The following SENP5 variants were observed in gnomAD, a reference collection of about 807,000 sequenced individuals.
SENP5 encodes the protein sentrin-specific protease 5.
In SENP5, 21 loss-of-function variants were observed where a neutral mutation model predicts 74.2. That is an observed-to-expected ratio of 0.28 (90% confidence interval 0.20 to 0.41). The LOEUF (loss-of-function observed/expected upper bound fraction) is 0.41. Ranked by LOEUF, SENP5 falls within the 10% of genes least tolerant of loss-of-function variation. The pLI is 1.00. For synonymous variants in SENP5, 311 were observed against 312.7 expected, an observed-to-expected ratio of 0.99 and a Z score of 0.06; for missense variants, 717 against 889.1, an observed-to-expected ratio of 0.81 and a Z score of 2.46.
intron 2 of SENP5, among the ~76,000 whole-genome samples, chr3:196,890,629 C>T (rs1390224581): frequency 6.6e-6 from 1 of 152,194 alleles, no homozygotes; most frequent in East Asian, 1.9e-4. Context: ...GTCTAGGACT[C>T]TGCACTGAGA....
At chr3:196,894,137 T>C (rs1448133796) in intron 2 of SENP5, among the ~76,000 whole-genome samples, 21 of 105,078 alleles carry the variant, frequency 2.0e-4, no homozygotes, top group East Asian at 1.9e-3. Context: ...TTTTTTTTTT[T>C]CTGGAGACAG....
At chr3:196,885,095 A>T in intron 1 of SENP5, 56 bp from the exon 2 acceptor site, 1 of 1,022,846 alleles carries the variant, frequency 9.8e-7, no homozygotes. Flanking sequence ...TACTGTGAAT[A>T]TGTCTTCATG....
chr3:196,931,211 T>A lies in SENP5; in HGVS notation c.*288T>A. The A allele has an allele frequency of 8.1e-6, 2 of 248,428 alleles. No individual in the cohort carries two copies. Among genetic ancestry groups the A allele is most frequent in the Non-Finnish European group, 7.7e-6 (1 of 129,188 alleles). The allele number at this position is 248,428 out of a possible 1,614,324, so 15.4% of individuals were successfully genotyped here. On this transcript the variant is annotated 3_prime_UTR_variant, in exon 10 of 10. Transcript: ENST00000323460. ...TAGACAGAGCATGCAGTGAAGAGTA[T>A]TAAAAAAAAAAGCTTAGTAGATTTG... is the stretch of plus-strand genomic sequence containing the variant.
At position 196,929,687 on chromosome 3, in the gene SENP5, A is replaced by G. The variant is rs371031404; in HGVS notation, c.2157+4A>G. 1.2e-5 allele frequency: 20 copies of G among 1,604,248 alleles called. No individual in the cohort carries two copies. The African/African-American group carries it at 1.5e-4, about 12-fold the overall frequency. On this transcript the variant is annotated splice_donor_region_variant and intron_variant, in intron 9 of 9. Coordinates refer to ENST00000323460, the MANE Select transcript of SENP5 (RefSeq NM_152699.5). ...CTGTGGAGTCTTTGTGCTCCAGGTA[A>G]AGAAACACTTGCTTTTCGGAACTTA...
At chr3:196,922,741 CCTACCAAGTAACTGCG>C (rs1453109115) in intron 6 of SENP5, among the ~76,000 whole-genome samples, 16 of 152,302 alleles carry the variant, frequency 1.1e-4, no homozygotes, top group Non-Finnish European at 2.2e-4. Flanking sequence ...TGAACCTCAG[CCTACCAAGTAACTGCG>C]ACTACCAGTG....
At chr3:196,882,295 C>T (rs146914681) in intron 1 of SENP5, among the ~76,000 whole-genome samples, 492 of 152,128 alleles carry the variant, frequency 3.2e-3, no homozygotes, top group African/African-American at 0.011. Context: ...AAAGTACATT[C>T]GCATTGCTGT....
chr3:196,899,301 G>C (rs182150155), intron 2 of SENP5, among the ~76,000 whole-genome samples: 2 of 152,250 alleles, frequency 1.3e-5, no homozygotes, highest in Admixed American at 6.5e-5. Context: ...CAAAAGGATA[G>C]GCACATTTGA....
chr3:196,888,827 ATTC>A (rs892011377), intron 2 of SENP5, among the ~76,000 whole-genome samples: 1 of 151,824 alleles, frequency 6.6e-6, no homozygotes, highest in African/African-American at 2.4e-5. Context: ...AGTATAATAA[ATTC>A]TTCTGGCTGG....
rs1337307033 is a variant in SENP5 at position 196,929,644 on chromosome 3, A to G, written c.2118A>G (p.Gln706=). The G allele has an allele frequency of 6.2e-7, 1 of 1,605,350 alleles. No individual in the cohort carries two copies. Among genetic ancestry groups the G allele is most frequent in the Non-Finnish European group, 8.5e-7 (1 of 1,173,240 alleles). ...GTTTTTCCCTTCAGTGTATTCCACA[A>G]CAGAAAAACGACAGTGACTGTGGAG... ...WQTAVTKCIP[Q]QKNDSDCGVF... is the part of the protein sequence containing the mutation. The change falls in exon 9 of 10, where the codon CAA becomes CAG. Residue 706 remains glutamine (Q), a synonymous_variant. Transcript: ENST00000323460.
chr3:196,928,911 C>T (rs934539720), intron 8 of SENP5, among the ~76,000 whole-genome samples: 9 of 152,122 alleles, frequency 5.9e-5, no homozygotes, highest in Non-Finnish European at 1.0e-4. Flanking sequence ...TACTGTTGGC[C>T]GGGCACAGTG....
chr3:196,907,893 TA>T (rs35164215), intron 6 of SENP5, among the ~76,000 whole-genome samples: 33 of 144,340 alleles, frequency 2.3e-4, no homozygotes, highest in South Asian at 8.7e-4. Context: ...TTGGGTTAAG[TA>T]AAAAAAAAAA....
intron 7 of SENP5, among the ~76,000 whole-genome samples, chr3:196,925,207 G>A (rs1715768315): frequency 6.7e-6 from 1 of 150,256 alleles, no homozygotes; most frequent in South Asian, 2.1e-4. Flanking sequence ...TGTATTATTT[G>A]TTTAATTAAC....
At chr3:196,910,015 C>A (rs1014944177) in intron 6 of SENP5, among the ~76,000 whole-genome samples, 2 of 152,112 alleles carry the variant, frequency 1.3e-5, no homozygotes, top group African/African-American at 4.8e-5. Flanking sequence ...CGTCTCAGCC[C>A]CAAAACCCCT....
At chr3:196,927,304 C>G (rs924873905) in intron 7 of SENP5, among the ~76,000 whole-genome samples, 12 of 152,238 alleles carry the variant, frequency 7.9e-5, no homozygotes, top group African/African-American at 2.9e-4. Context: ...TTTTGACTTG[C>G]CAGTATGTAA....
chr3:196,914,586 A>AAAAAAAAAAAAAAAAATATATATATAT, intron 6 of SENP5: 1 of 33,510 alleles, frequency 3.0e-5, no homozygotes, highest in Non-Finnish European at 5.1e-5. Context: ...AAAAAAAAAA[A>AAAAAAAAAAAAAAAAATATATATATAT]ATATATATAT....
In SENP5 at chr3:196,930,870, C is replaced by T; in HGVS notation, c.2215C>T (p.Arg739Ter). The T allele has an allele frequency of 6.2e-7, 1 of 1,614,034 alleles. No homozygotes were observed. The highest frequency in any genetic ancestry group is 8.5e-7 in the Non-Finnish European group (1 of 1,179,980). The stretch of plus-strand genomic sequence containing the variant: ...CCAGTTTTCACAAGAAGACATGCCC[C>T]GAGTGCGGAAGAGGATTTACAAGGA... The part of the protein sequence containing the change: ...PFQFSQEDMP[R>*]VRKRIYKELC... The change falls in exon 10 of 10, where the codon CGA (arginine) becomes TGA (stop). Residue 739 changes from arginine (R) to a stop codon, truncating the protein, a stop_gained. Transcript: ENST00000323460. LOFTEE classifies it high-confidence loss of function.
Position 196,885,527 on chromosome 3 carries a change from G to A in SENP5, c.346G>A (p.Ala116Thr), listed in dbSNP as rs1178413599. The A allele has an allele frequency of 6.2e-7, 1 of 1,614,136 alleles. No individual in the cohort carries two copies. The highest frequency in any genetic ancestry group is 8.5e-7 in the Non-Finnish European group (1 of 1,180,044). Residue 116 changes from alanine to threonine, a missense_variant, in exon 2 of 10, where the codon GCA (alanine) becomes ACA (threonine). Coordinates refer to ENST00000323460, the MANE Select transcript of SENP5 (RefSeq NM_152699.5). ...SSSKTLLRLQ[A>T]EKLLSSAKNS... ...CTCAAAGACTCTCCTGAGACTCCAA[G>A]CAGAGAAGCTGTTGTCATCAGCAAA... is the stretch of plus-strand genomic sequence containing the variant.
At chr3:196,876,649 G>A (rs67251149) in intron 1 of SENP5, among the ~76,000 whole-genome samples, 30,958 of 151,016 alleles carry the variant, frequency 0.2, 4,012 homozygotes, top group East Asian at 0.73. Flanking sequence ...CAGCTCTTTC[G>A]GTGGGCGGAT....
intron 1 of SENP5, among the ~76,000 whole-genome samples, chr3:196,877,475 G>A (rs779702362): frequency 2.0e-4 from 31 of 152,222 alleles, no homozygotes; most frequent in South Asian, 1.5e-3. Context: ...GTGCGCCACC[G>A]TGCCCGGCCA....
Sources: gnomAD v4.1 joint callset for allele counts (sites outside exome capture counted in the v4.1 genomes callset) on GRCh38, gnomAD v4.1.1 for gene constraint, MANE v1.5 for transcripts, NCBI Gene and HGNC (gene_info 2026-07-23, HGNC 2026-07-21) for gene names.